STXBP6: variants seen among roughly 807,000 people sequenced by gnomAD.
The protein encoded by STXBP6 is syntaxin-binding protein 6.
Under a neutral mutation model 26.9 loss-of-function variants are expected in STXBP6, and 21 were observed. That is an observed-to-expected ratio of 0.78 (90% CI 0.55 to 1.12). The LOEUF is 1.12. Ranked by LOEUF, STXBP6 falls within the 50% of genes most tolerant of loss-of-function variation. The probability of loss-of-function intolerance (pLI) is 0.00; values close to 1 mark genes in which losing one functional copy is unlikely to be tolerated. For synonymous variants in STXBP6, 97 were observed against 92.6 expected (o/e 1.05, Z -0.27); for missense variants, 232 against 257.9 (o/e 0.90, Z 0.69).
At chr14:24,855,439 G>C (rs898263771) in intron 4 of STXBP6, among the ~76,000 whole-genome samples, 1 of 152,006 alleles carries the variant, frequency 6.6e-6, no homozygotes, top group South Asian at 2.1e-4. Flanking sequence ...GTGGCTTACT[G>C]TACTCATCCT....
intron 2 of STXBP6, among the ~76,000 whole-genome samples, chr14:24,872,898 A>G (rs1331720210): frequency 6.6e-6 from 1 of 152,110 alleles, no homozygotes; most frequent in Non-Finnish European, 1.5e-5. Flanking sequence ...AATGTTTTTT[A>G]TTTTTCTCTG....
intron 4 of STXBP6, among the ~76,000 whole-genome samples, chr14:24,846,396 T>C (rs140642113): frequency 6.6e-6 from 1 of 152,308 alleles, no homozygotes; most frequent in African/African-American, 2.4e-5. Context: ...TTTGAATGAC[T>C]AACACGTTAT....
chr14:24,962,476 C>T (rs1329278816), intron 2 of STXBP6, among the ~76,000 whole-genome samples: 1 of 151,820 alleles, frequency 6.6e-6, no homozygotes, highest in African/African-American at 2.4e-5. Context: ...ATTACAGGCA[C>T]ACGCCACTAC....
chr14:24,869,587 AT>A (rs2069853485), intron 2 of STXBP6, among the ~76,000 whole-genome samples: 1 of 152,154 alleles, frequency 6.6e-6, no homozygotes, highest in South Asian at 2.1e-4. Context: ...AGCTTTCTCT[AT>A]TCAATTCTCC....
rs1346625492 is a variant in STXBP6, at chr14:24,809,495, C to T, written c.*3214G>A. 6.6e-6 allele frequency among the ~76,000 whole-genome samples: 1 copy of T among 152,154 alleles called. No homozygotes were observed. Among genetic ancestry groups the T allele is most frequent in the South Asian group, 2.1e-4 (1 of 4,814 alleles). ...AGTCTTTATTACATTCCAAGCTTTT[C>T]CATTAGAACATATGTAATGACATTT... On this transcript the variant is annotated 3_prime_UTR_variant, in exon 6 of 6. Coordinates refer to ENST00000323944, the MANE Select transcript of STXBP6 (RefSeq NM_001394410.1).
At chr14:24,835,124 C>T (rs539907105) in intron 4 of STXBP6, among the ~76,000 whole-genome samples, 3 of 152,116 alleles carry the variant, frequency 2.0e-5, no homozygotes, top group Non-Finnish European at 4.4e-5. Context: ...AGACCCTGGG[C>T]GGCCTTCCAA....
At chr14:24,906,874 C>A (rs952123059) in intron 2 of STXBP6, among the ~76,000 whole-genome samples, 1 of 151,890 alleles carries the variant, frequency 6.6e-6, no homozygotes, top group Admixed American at 6.6e-5. Flanking sequence ...ACTCAATGAA[C>A]AATAAAGATA....
intron 1 of STXBP6, among the ~76,000 whole-genome samples, chr14:25,021,180 T>C (rs886159574): frequency 6.6e-6 from 1 of 152,188 alleles, no homozygotes; most frequent in Non-Finnish European, 1.5e-5. Context: ...TAATTTACAA[T>C]TGTAGCAGCC....
chr14:24,833,334 T>C (rs560860592), intron 4 of STXBP6, among the ~76,000 whole-genome samples: 34 of 152,352 alleles, frequency 2.2e-4, no homozygotes, highest in African/African-American at 7.9e-4. Flanking sequence ...TCTACCTATG[T>C]TCCCCTAGCA....
chr14:24,894,925 T>C (rs1019102546), intron 2 of STXBP6, among the ~76,000 whole-genome samples: 1 of 152,040 alleles, frequency 6.6e-6, no homozygotes, highest in Admixed American at 6.6e-5. Context: ...AAAATTTCTC[T>C]AGCTCCTTCC....
intron 2 of STXBP6, among the ~76,000 whole-genome samples, chr14:24,902,852 A>T (rs934921458): frequency 4.6e-5 from 7 of 152,204 alleles, no homozygotes; most frequent in African/African-American, 1.7e-4. Context: ...AGGTCATTCC[A>T]ATGGCTCTTT....
chr14:24,960,974 T>C (rs982983182), intron 2 of STXBP6, among the ~76,000 whole-genome samples: 3 of 152,238 alleles, frequency 2.0e-5, no homozygotes, highest in African/African-American at 4.8e-5. Flanking sequence ...GTAGTGATTC[T>C]GTGATGTCAG....
intron 2 of STXBP6, among the ~76,000 whole-genome samples, chr14:24,871,131 A>G (rs1363564490): frequency 1.3e-5 from 2 of 151,716 alleles, no homozygotes; most frequent in African/African-American, 4.8e-5. Context: ...CACTACTTTC[A>G]TATGGCAGGA....
chr14:24,819,543 T>C (rs2068080286), intron 4 of STXBP6: 2 of 518,948 alleles, frequency 3.9e-6, no homozygotes, highest in Admixed American at 3.5e-5. Context: ...ATGAAAACGT[T>C]GACAAGTTCA....
intron 2 of STXBP6, among the ~76,000 whole-genome samples, chr14:24,968,741 A>C (rs1396474433): frequency 6.6e-6 from 1 of 152,212 alleles, no homozygotes; most frequent in Non-Finnish European, 1.5e-5. Flanking sequence ...AATAAACTAA[A>C]GCCCAGAAAA....
At chr14:25,014,314 G>A (rs1009451904) in intron 1 of STXBP6, among the ~76,000 whole-genome samples, 1 of 152,090 alleles carries the variant, frequency 6.6e-6, no homozygotes, top group Non-Finnish European at 1.5e-5. Context: ...GGCCAACATG[G>A]TGTAACCCCT....
chr14:24,891,453 C>G lies in STXBP6; in HGVS notation c.155-34296G>C, dbSNP rs376512208. On this transcript the variant is annotated intron_variant, in intron 2 of 5. Transcript: ENST00000323944. ...ATTATTAAGACATTAGTAAATACCA[C>G]AATTTCATTTCACACTAAAACCTCA... Among the ~76,000 whole-genome samples, 3 of 152,168 alleles carry G rather than the reference C, an allele frequency of 2.0e-5. 1 individual carries two copies. The East Asian group carries it at 5.8e-4, about 29-fold the overall frequency.
chr14:25,007,527 T>C (rs2074930982), intron 1 of STXBP6, among the ~76,000 whole-genome samples: 1 of 152,192 alleles, frequency 6.6e-6, no homozygotes, highest in African/African-American at 2.4e-5. Flanking sequence ...TCCCCTTCCC[T>C]GTTTTAGTTT....
At chr14:24,914,085 T>C (rs1735917653) in intron 2 of STXBP6, among the ~76,000 whole-genome samples, 1 of 152,230 alleles carries the variant, frequency 6.6e-6, no homozygotes, top group Non-Finnish European at 1.5e-5. Context: ...TATGCCACTG[T>C]GATGCAAGAA....
Sources: gnomAD v4.1 joint callset for allele counts (sites outside exome capture counted in the v4.1 genomes callset) on GRCh38, gnomAD v4.1.1 for gene constraint, MANE v1.5 for transcripts, NCBI Gene and HGNC (gene_info 2026-07-23, HGNC 2026-07-21) for gene names.